Variants in RCC1 observed in about 807,000 individuals in gnomAD.
RCC1 encodes regulator of chromosome condensation 1.
In RCC1, 11 loss-of-function variants were observed where a neutral mutation model predicts 44.4. The ratio of observed to expected loss-of-function variants is 0.25; its 90% CI spans 0.16 to 0.41. The LOEUF is 0.41. RCC1 is among the 10% of genes least tolerant of loss of function. The probability of loss-of-function intolerance (pLI) is 1.00; values close to 1 mark genes in which losing one functional copy is unlikely to be tolerated. For missense variants in RCC1, 386 were observed against 547.1 expected (o/e 0.71, Z 2.94); for synonymous variants, 213 against 216.5 (o/e 0.98, Z 0.14).
chr1:28,537,747 C>A, intron 12 of RCC1, 85 bp from the exon 13 acceptor site: 1 of 1,405,974 alleles, frequency 7.1e-7, no homozygotes, highest in Non-Finnish European at 9.6e-7. Flanking sequence ...GGCCACAGTC[C>A]ACGCCCATGT....
chr1:28,515,198 G>A lies in RCC1; in HGVS notation c.-152-1527G>A, dbSNP rs1254804635. 2.0e-5 allele frequency among the ~76,000 whole-genome samples: 3 copies of A among 151,942 alleles called. No homozygotes were observed. The East Asian group carries it at 5.8e-4, about 29-fold the overall frequency. ...CCAGCTACTCGGGAGGCTGAAACAG[G>A]AGAATTGCTTGAACCCAGGAGGCAG... On this transcript the variant is annotated intron_variant, in intron 3 of 12. Transcript: ENST00000683442.
At chr1:28,530,272 G>A (rs531253953) in intron 5 of RCC1, among the ~76,000 whole-genome samples, 2 of 152,252 alleles carry the variant, frequency 1.3e-5, no homozygotes, top group South Asian at 4.1e-4. Flanking sequence ...CCACTTTCTA[G>A]CTGCTGGGCA....
intron 5 of RCC1, among the ~76,000 whole-genome samples, chr1:28,531,457 C>G (rs4654372): frequency 0.27 from 40,373 of 151,380 alleles, 5,505 homozygotes; most frequent in Middle Eastern, 0.35. Context: ...TCAAGTGATC[C>G]GCCCGCCTTG....
chr1:28,528,023 A>C (rs1336194891), intron 4 of RCC1, among the ~76,000 whole-genome samples: 3 of 150,436 alleles, frequency 2.0e-5, no homozygotes, highest in Non-Finnish European at 4.4e-5. Flanking sequence ...AAAAAAAAAA[A>C]AAAAACATGT....
chr1:28,520,280 C>T (rs770894411), intron 4 of RCC1, among the ~76,000 whole-genome samples: 1 of 152,108 alleles, frequency 6.6e-6, no homozygotes, highest in Admixed American at 6.5e-5. Flanking sequence ...GTGTGGGGGA[C>T]GGAGGGCACA....
rs1664459186 is a variant in RCC1 at position 28,535,078 on chromosome 1, A to C, written c.470A>C (p.Glu157Ala). 6.2e-7 allele frequency: 1 copy of C among 1,613,992 alleles called. No homozygotes were observed. Among genetic ancestry groups the C allele is most frequent in the South Asian group, 1.1e-5 (1 of 91,080 alleles). ...RDNNGVIGLL[E>A]PMKKSMVPVQ... ...AATAACGGTGTGATTGGACTGTTGG[A>C]GCCCATGAAGAAGAGCATGGTGCCT... The change falls in exon 8 of 13, where the codon GAG becomes GCG. Residue 157 changes from glutamate to alanine, a missense_variant. By Grantham distance (107) the Glu-to-Ala change is moderately radical (BLOSUM62 -1). Coordinates refer to ENST00000683442, the MANE Select transcript of RCC1 (RefSeq NM_001381865.2).
intron 3 of RCC1, chr1:28,510,668 C>G (rs537856678): frequency 1.3e-5 from 2 of 152,218 alleles, no homozygotes; most frequent in Non-Finnish European, 2.9e-5. Context: ...TAGGTAAGCA[C>G]TAAGTGGGCT....
chr1:28,523,752 G>A (rs891084595), intron 4 of RCC1, among the ~76,000 whole-genome samples: 1 of 152,228 alleles, frequency 6.6e-6, no homozygotes, highest in Non-Finnish European at 1.5e-5. Flanking sequence ...GACTGCTACA[G>A]ATTATTCTGA....
chr1:28,511,916 A>G (rs1343477816), intron 3 of RCC1, among the ~76,000 whole-genome samples: 3 of 150,242 alleles, frequency 2.0e-5, no homozygotes, highest in Non-Finnish European at 4.4e-5. Context: ...CACCTGCCTC[A>G]GCATCCCAAA....
chr1:28,515,710 C>G (rs1176920224), intron 3 of RCC1, among the ~76,000 whole-genome samples: 2 of 151,596 alleles, frequency 1.3e-5, no homozygotes, highest in African/African-American at 4.8e-5. Context: ...GAATGAGACT[C>G]CATCTCAAAA....
chr1:28,528,052 G>A (rs1021166545), intron 4 of RCC1, among the ~76,000 whole-genome samples: 1 of 151,880 alleles, frequency 6.6e-6, no homozygotes, highest in Non-Finnish European at 1.5e-5. Flanking sequence ...GTACGCAGTG[G>A]CTCACGCCTG....
At chr1:28,520,049 C>T (rs888494910) in intron 4 of RCC1, among the ~76,000 whole-genome samples, 11 of 152,008 alleles carry the variant, frequency 7.2e-5, no homozygotes, top group African/African-American at 1.9e-4. Context: ...GTGTCCCTTC[C>T]CCCAGGAAAA....
chr1:28,519,846 T>C (rs989553184), intron 4 of RCC1, among the ~76,000 whole-genome samples: 1 of 151,612 alleles, frequency 6.6e-6, no homozygotes, highest in African/African-American at 2.4e-5. Flanking sequence ...GTGCTGGAAT[T>C]ACAGGTGTGA....
Position 28,536,044 on chromosome 1 carries a change from CT to C in RCC1, c.817+20del. ...TCAGCTTGGTGAGCCCCGAGCCCAG[CT>C]TCAGGCATGACCCAGTGGCCTGCGT... On this transcript the variant is annotated intron_variant, in intron 10 of 12. Coordinates refer to ENST00000683442, the MANE Select transcript of RCC1 (RefSeq NM_001381865.2). This position sits in a 1 kb window ranked among gnomAD's most constrained non-coding sequence, Gnocchi z 4.9. The C allele has an allele frequency of 6.3e-7, 1 of 1,595,736 alleles. No homozygotes were observed. Among genetic ancestry groups the C allele is most frequent in the South Asian group, 1.1e-5 (1 of 88,964 alleles).
In RCC1 at chr1:28,535,299, T is replaced by C. The variant is rs1170524850; in HGVS notation, c.580T>C (p.Tyr194His). 1 of 1,614,092 alleles carries C rather than the reference T, an allele frequency of 6.2e-7. No homozygotes were observed. The highest frequency in any genetic ancestry group is 2.2e-5 in the East Asian group (1 of 44,898). ...LVMLTADGDL[Y>H]TLGCGEQGQL... is the part of the protein sequence containing the mutation. Reference sequence around the variant, plus strand: ...GATGCTGACAGCTGATGGTGACCTCTACACCTTGGGCTGCGGGGAACAGGG... The same window carrying C: ...GATGCTGACAGCTGATGGTGACCTCCACACCTTGGGCTGCGGGGAACAGGG... Residue 194 changes from tyrosine (Y) to histidine (H), a missense_variant, in exon 9 of 13, where the codon TAC becomes CAC. Transcript: ENST00000683442.
chr1:28,534,538 G>A (rs915435932), intron 7 of RCC1, among the ~76,000 whole-genome samples: 2 of 152,174 alleles, frequency 1.3e-5, no homozygotes, highest in Non-Finnish European at 2.9e-5. Context: ...AGAGTGCAAT[G>A]GCATCGTCTT....
chr1:28,512,636 C>T (rs1662633993), intron 3 of RCC1, among the ~76,000 whole-genome samples: 2 of 152,060 alleles, frequency 1.3e-5, no homozygotes, highest in Admixed American at 1.3e-4. Flanking sequence ...GCATTTAGTG[C>T]TATAAATTTC....
chr1:28,515,413 G>C (rs1367517254), intron 3 of RCC1, among the ~76,000 whole-genome samples: 3 of 151,992 alleles, frequency 2.0e-5, no homozygotes, highest in Non-Finnish European at 4.4e-5. Context: ...GACAGAGTGA[G>C]ACTCTTGAGA....
At chr1:28,528,844 CTTTT>C (rs59005617) in intron 4 of RCC1, among the ~76,000 whole-genome samples, 1 of 87,226 alleles carries the variant, frequency 1.1e-5, no homozygotes, top group Non-Finnish European at 2.1e-5. Flanking sequence ...GTTTTTCTTC[CTTTT>C]TTTTTTTTTT....
Sources: gnomAD v4.1 joint callset for allele counts (sites outside exome capture counted in the v4.1 genomes callset) on GRCh38, gnomAD v4.1.1 for gene constraint, Gnocchi (gnomAD v3.1) non-coding constraint, MANE v1.5 for transcripts, NCBI Gene and HGNC (gene_info 2026-07-23, HGNC 2026-07-21) for gene names.